The following PHIP variants were observed in gnomAD, a reference collection of about 807,000 sequenced individuals.
The protein encoded by PHIP is PHIP subunit of CUL4-Ring ligase complex.
Under a neutral mutation model 236.8 loss-of-function variants are expected in PHIP, and 54 were observed. The ratio of observed to expected loss-of-function variants is 0.23; its 90% CI spans 0.18 to 0.29. PHIP has a LOEUF of 0.29. Ranked by LOEUF, PHIP falls within the 10% of genes least tolerant of loss-of-function variation. The pLI, the probability that PHIP is intolerant of heterozygous loss-of-function variation, is 1.00. For missense variants in PHIP, 1,370 were observed against 2,190.8 expected, an observed-to-expected ratio of 0.63 and a Z score of 7.48; for synonymous variants, 756 against 718.9, an observed-to-expected ratio of 1.05 and a Z score of -0.83.
chr6:78,964,898 T>C (rs1767033380), intron 29 of PHIP, among the ~76,000 whole-genome samples: 1 of 152,238 alleles, frequency 6.6e-6, no homozygotes, highest in South Asian at 2.1e-4. Context: ...ATCTCGACAA[T>C]ATCCTTCTAA....
chr6:79,077,614 C>T (rs916004146), intron 3 of PHIP, 86 bp downstream of exon 3: 2 of 890,268 alleles, frequency 2.2e-6, no homozygotes, highest in Non-Finnish European at 2.7e-6. Flanking sequence ...CCGCGCCCCG[C>T]GCCCTGCCGG....
At position 79,077,810 on chromosome 6, in the gene PHIP, G is replaced by A. The variant is rs1347981794; in HGVS notation, c.99+45C>T. The stretch of plus-strand genomic sequence containing the variant: ...GCCGCCGCCTCCCTCCCCCACGCCC[G>A]CGAGCGGCGAGCGCCGGCCCGGCCC... On this transcript the variant is annotated intron_variant, in intron 2 of 39. Transcript: ENST00000275034. 9 of 1,141,294 alleles carry A rather than the reference G, an allele frequency of 7.9e-6. No individual in the cohort carries two copies. In the East Asian group the frequency reaches 2.8e-4, roughly 36 times the overall value. 70.7% of individuals were successfully genotyped at this position (1,141,294 alleles called of 1,614,324 possible).
Position 78,946,419 on chromosome 6 carries a change from A to G in PHIP, c.4371-159T>C, listed in dbSNP as rs756870466. ...TATGATTGTGAGCCTTTGAAAGTGAATATTTAGTGAAGGATCGCTGTAAAT... is the reference window on the plus strand; with the variant it reads ...TATGATTGTGAGCCTTTGAAAGTGAGTATTTAGTGAAGGATCGCTGTAAAT... On this transcript the variant is annotated intron_variant, in intron 37 of 39. Coordinates refer to ENST00000275034, the MANE Select transcript of PHIP (RefSeq NM_017934.7). 3.6e-6 allele frequency: 5 copies of G among 1,404,292 alleles called. No homozygotes were observed. The East Asian group carries it at 7.7e-5, about 22-fold the overall frequency. 87.0% of individuals were successfully genotyped at this position (1,404,292 alleles called of 1,614,324 possible). A position where few individuals can be genotyped will look rare whatever the true frequency, so the allele number is the denominator to read the frequency against.
intron 6 of PHIP, among the ~76,000 whole-genome samples, chr6:79,048,159 A>G (rs1031360915): frequency 6.6e-6 from 1 of 152,038 alleles, no homozygotes; most frequent in East Asian, 1.9e-4. Context: ...ATTATTTGTT[A>G]ATTTTGAAAA....
chr6:78,993,110 C>T (rs1343138323), intron 19 of PHIP, among the ~76,000 whole-genome samples: 2 of 152,230 alleles, frequency 1.3e-5, no homozygotes, highest in Admixed American at 6.5e-5. Flanking sequence ...CCAGCTACAA[C>T]ATTCCCTTAA....
At chr6:79,027,581 C>T (rs539391078) in intron 7 of PHIP, among the ~76,000 whole-genome samples, 2 of 152,264 alleles carry the variant, frequency 1.3e-5, no homozygotes, top group African/African-American at 4.8e-5. Context: ...GATATAAAGA[C>T]ACAGTATTCT....
rs140895960 is a variant in PHIP at position 79,001,724 on chromosome 6, T to A, written c.1879+175A>T. On this transcript the variant is annotated intron_variant, in intron 17 of 39. Transcript: ENST00000275034. ...CAAAATTATTACTGTAAATCGCCCA[T>A]GTTCCATAATTAACTTGTAATCCTT... Among the ~76,000 whole-genome samples the A allele has an allele frequency of 5.0e-3, 757 of 152,248 alleles. 9 individuals are homozygous for A. Among genetic ancestry groups the A allele is most frequent in the African/African-American group, 0.017 (725 of 41,554 alleles).
In PHIP at chr6:78,988,252, G is replaced by C. The variant is rs767013044; in HGVS notation, c.2417C>G (p.Pro806Arg). 6.2e-7 allele frequency: 1 copy of C among 1,608,566 alleles called. No homozygotes were observed. Among genetic ancestry groups the C allele is most frequent in the Non-Finnish European group, 8.5e-7 (1 of 1,176,276 alleles). ...YRTRSALEET[P>R]RPSEEIENGS... ...ATTTTCTATCTCTTCTGAGGGTCTA[G>C]GAGTCTCTTCCAATGCAGATCTTGT... The change falls in exon 21 of 40, where the codon CCT (proline) becomes CGT (arginine). Residue 806 changes from proline to arginine, a missense_variant. Transcript: ENST00000275034.
At chr6:79,073,743 T>C (rs1297993929) in intron 4 of PHIP, among the ~76,000 whole-genome samples, 1 of 152,138 alleles carries the variant, frequency 6.6e-6, no homozygotes, top group African/African-American at 2.4e-5. Context: ...TAAACTATGA[T>C]GGAAATCATG....
chr6:79,014,561 C>T (rs1209502682), intron 15 of PHIP, among the ~76,000 whole-genome samples: 3 of 151,694 alleles, frequency 2.0e-5, no homozygotes, highest in Non-Finnish European at 4.4e-5. Context: ...AATTCAAATA[C>T]TTGGCCAATT....
chr6:79,023,782 T>C (rs1771252220), intron 9 of PHIP, among the ~76,000 whole-genome samples: 1 of 152,196 alleles, frequency 6.6e-6, no homozygotes, highest in Non-Finnish European at 1.5e-5. Flanking sequence ...TGAAATGTTA[T>C]TGTACTTAGC....
At chr6:79,021,921 C>A (rs1419593725) in intron 9 of PHIP, among the ~76,000 whole-genome samples, 3 of 151,966 alleles carry the variant, frequency 2.0e-5, no homozygotes, top group Non-Finnish European at 4.4e-5. Flanking sequence ...GGGATGGAGA[C>A]CCCCTTTAAC....
intron 20 of PHIP, among the ~76,000 whole-genome samples, chr6:78,990,021 A>C (rs1171820776): frequency 6.6e-6 from 1 of 152,170 alleles, no homozygotes; most frequent in Non-Finnish European, 1.5e-5. Flanking sequence ...GAGATGAGTA[A>C]TAAAACAGAA....
intron 7 of PHIP, among the ~76,000 whole-genome samples, chr6:79,036,692 C>T (rs1467357924): frequency 2.0e-5 from 3 of 151,900 alleles, no homozygotes; most frequent in East Asian, 1.9e-4. Flanking sequence ...GAGGCCGAGG[C>T]GGGTAGATCA....
intron 15 of PHIP, among the ~76,000 whole-genome samples, chr6:79,014,368 A>G (rs1770737662): frequency 1.3e-5 from 2 of 151,786 alleles, no homozygotes; most frequent in African/African-American, 4.8e-5. Flanking sequence ...AAATTTAAAC[A>G]TGCTGAAATA....
chr6:79,006,410 A>G (rs1414379253), intron 15 of PHIP, among the ~76,000 whole-genome samples: 3 of 152,068 alleles, frequency 2.0e-5, no homozygotes, highest in African/African-American at 7.2e-5. Flanking sequence ...ACGATTAAGT[A>G]AGCCAATCAA....
intron 39 of PHIP, among the ~76,000 whole-genome samples, chr6:78,943,686 C>T (rs1247184295): frequency 6.6e-6 from 1 of 151,980 alleles, no homozygotes; most frequent in Non-Finnish European, 1.5e-5. Context: ...TTTTCTGGGA[C>T]ATAAAGATGG....
At position 78,997,505 on chromosome 6, in the gene PHIP, T is replaced by A. The variant is rs967575280; in HGVS notation, c.2110A>T (p.Asn704Tyr). 6.2e-7 allele frequency: 1 copy of A among 1,614,104 alleles called. No individual in the cohort carries two copies. The highest frequency in any genetic ancestry group is 8.5e-7 in the Non-Finnish European group (1 of 1,179,956). Residue 704 changes from asparagine to tyrosine, a missense_variant, in exon 19 of 40, where the codon AAC becomes TAC. Transcript: ENST00000275034. ...QIEGVRQMHS[N>Y]APRSEIATER... ...GTGGCTATTTCACTTCTTGGTGCGT[T>A]GCTGTGCATTTGCCGTACACCTTCA...
Position 78,935,787 on chromosome 6 carries a change from G to T in PHIP, c.*4906C>A. The T allele has an allele frequency of 5.1e-6, 5 of 979,256 alleles. No homozygotes were observed. Among genetic ancestry groups the T allele is most frequent in the Non-Finnish European group, 4.9e-6 (4 of 824,346 alleles). The allele number at this position is 979,256 out of a possible 1,614,324, so 60.7% of individuals were successfully genotyped here. ...ATATGACCACTTTGGTAAGCAGCTTGTTGAGATTATGTACTAAGTGCTTTA... is the reference window on the plus strand; with the variant it reads ...ATATGACCACTTTGGTAAGCAGCTTTTTGAGATTATGTACTAAGTGCTTTA... On this transcript the variant is annotated 3_prime_UTR_variant, in exon 40 of 40. Coordinates refer to ENST00000275034, the MANE Select transcript of PHIP (RefSeq NM_017934.7).
Sources: gnomAD v4.1 joint callset for allele counts (sites outside exome capture counted in the v4.1 genomes callset) on GRCh38, gnomAD v4.1.1 for gene constraint, MANE v1.5 for transcripts, NCBI Gene and HGNC (gene_info 2026-07-23, HGNC 2026-07-21) for gene names.